CCDC91: variants seen among roughly 807,000 people sequenced by gnomAD.
The protein encoded by CCDC91 is coiled-coil domain containing 91, also known as coiled-coil domain-containing protein 91.
Under a neutral mutation model 63.2 loss-of-function variants are expected in CCDC91, and 48 were observed. The observed-to-expected ratio is 0.76, with a 90% CI of 0.60 to 0.97. The LOEUF is 0.97. Among genes scored for constraint, CCDC91 ranks in the 50% least tolerant of loss-of-function variants. CCDC91 has a pLI of 0.00. For missense variants in CCDC91, 500 were observed against 494.6 expected, an observed-to-expected ratio of 1.01 and a Z score of -0.10; for synonymous variants, 167 against 165.8, an observed-to-expected ratio of 1.01 and a Z score of -0.06.
At chr12:28,192,072 C>T (rs1330439799) in intron 1 of CCDC91, among the ~76,000 whole-genome samples, 1 of 152,190 alleles carries the variant, frequency 6.6e-6, no homozygotes, top group Non-Finnish European at 1.5e-5. Context: ...GAGTGATCCA[C>T]TCAAAACTTC....
At chr12:28,498,396 G>A (rs575588642) in intron 12 of CCDC91, among the ~76,000 whole-genome samples, 2 of 151,664 alleles carry the variant, frequency 1.3e-5, no homozygotes, top group East Asian at 2.0e-4. Context: ...AAGAGAGAAA[G>A]CCCAAACAGG....
intron 1 of CCDC91, among the ~76,000 whole-genome samples, chr12:28,218,205 A>G (rs1343492811): frequency 6.6e-6 from 1 of 152,038 alleles, no homozygotes; most frequent in Non-Finnish European, 1.5e-5. Context: ...AGTTCTGCCT[A>G]AGAGATAATC....
At chr12:28,468,022 C>G (rs1479702969) in intron 11 of CCDC91, among the ~76,000 whole-genome samples, 1 of 151,664 alleles carries the variant, frequency 6.6e-6, no homozygotes, top group Non-Finnish European at 1.5e-5. Flanking sequence ...AACAATGCAT[C>G]TTAACTAGAA....
intron 7 of CCDC91, among the ~76,000 whole-genome samples, chr12:28,391,092 C>A (rs1241849041): frequency 6.6e-6 from 1 of 151,606 alleles, no homozygotes; most frequent in African/African-American, 2.4e-5. Context: ...ACGTCTGAGC[C>A]AAAAAATTGT....
intron 12 of CCDC91, among the ~76,000 whole-genome samples, chr12:28,520,624 T>C (rs1179307295): frequency 6.6e-6 from 1 of 152,214 alleles, no homozygotes; most frequent in Non-Finnish European, 1.5e-5. Flanking sequence ...GCTTTCGGTG[T>C]TTTAGACATG....
chr12:28,401,167 C>G (rs1013636131), intron 8 of CCDC91, among the ~76,000 whole-genome samples: 8 of 152,098 alleles, frequency 5.3e-5, no homozygotes, highest in South Asian at 2.1e-4. Flanking sequence ...TACAGACATA[C>G]CCAAGACTGG....
chr12:28,340,823 A>G (rs1174847423), intron 6 of CCDC91, among the ~76,000 whole-genome samples: 7 of 152,162 alleles, frequency 4.6e-5, no homozygotes, highest in African/African-American at 1.7e-4. Flanking sequence ...AGTCAGCTTA[A>G]TTAGACCCCC....
At chr12:28,326,204 A>C (rs1426146727) in intron 6 of CCDC91, among the ~76,000 whole-genome samples, 4 of 152,076 alleles carry the variant, frequency 2.6e-5, no homozygotes, top group Admixed American at 1.3e-4. Flanking sequence ...GAAGTAAGAC[A>C]CAAGTCCACA....
In CCDC91 at chr12:28,549,228, A is replaced by G. The variant is rs1057086664; in HGVS notation, c.*55A>G. 59 of 911,202 alleles carry G rather than the reference A, an allele frequency of 6.5e-5. No homozygotes were observed. The Admixed American group carries it at 1.1e-3, about 16-fold the overall frequency. 56.4% of individuals were successfully genotyped at this position (911,202 alleles called of 1,614,324 possible). On this transcript the variant is annotated 3_prime_UTR_variant, in exon 13 of 13. Transcript: ENST00000536442. ...GGATAAATCATATTACACCTTCAAA[A>G]TACACACTCTGAATTATAAAGATGT...
chr12:28,351,489 C>T (rs1943175220), intron 6 of CCDC91, among the ~76,000 whole-genome samples: 1 of 152,196 alleles, frequency 6.6e-6, no homozygotes, highest in Admixed American at 6.5e-5. Flanking sequence ...TGATTATTGT[C>T]TGGGCCTGTG....
intron 1 of CCDC91, among the ~76,000 whole-genome samples, chr12:28,219,492 G>A (rs1237877146): frequency 3.4e-5 from 4 of 116,676 alleles, no homozygotes; most frequent in Admixed American, 9.5e-5. Flanking sequence ...TTTTTTTTGA[G>A]ATGGAGTCTC....
intron 6 of CCDC91, among the ~76,000 whole-genome samples, chr12:28,356,250 G>A (rs763406140): frequency 6.6e-6 from 1 of 152,240 alleles, no homozygotes; most frequent in Non-Finnish European, 1.5e-5. Flanking sequence ...CAAGGATTAT[G>A]GCTCCTTTAG....
At chr12:28,319,179 C>T (rs533123817) in intron 6 of CCDC91, among the ~76,000 whole-genome samples, 7 of 151,782 alleles carry the variant, frequency 4.6e-5, no homozygotes, top group East Asian at 1.9e-4. Flanking sequence ...TAAACTGTTT[C>T]GGTGAATTTA....
Position 28,427,252 on chromosome 12 carries a change from G to A in CCDC91, c.763-22909G>A, listed in dbSNP as rs77020821. Among the ~76,000 whole-genome samples the A allele has an allele frequency of 3.4e-3, 524 of 152,168 alleles. 8 individuals are homozygous for A. Among genetic ancestry groups the A allele is most frequent in the African/African-American group, 0.011 (461 of 41,508 alleles). ...TTATGTGAGATAAAAAGGCTAGAGC[G>A]CGCTGGAATCTTGATAATGCCCTGA... On this transcript the variant is annotated intron_variant, in intron 8 of 12. Transcript: ENST00000536442.
chr12:28,243,395 A>G (rs1462357685), intron 1 of CCDC91, among the ~76,000 whole-genome samples: 1 of 152,232 alleles, frequency 6.6e-6, no homozygotes, highest in African/African-American at 2.4e-5. Context: ...AAAGTTAAAC[A>G]TGTTTAAAAT....
rs1280362333 is a variant in CCDC91, at chr12:28,190,496, C to G, written c.-160C>G. On this transcript the variant is annotated 5_prime_UTR_variant, in exon 1 of 13. Coordinates refer to ENST00000536442, the MANE Select transcript of CCDC91 (RefSeq NM_018318.5). Reference sequence around the variant, plus strand: ...CGGGTGGTGCGTGGGCTACCCCAACCTGTGTGGCTGGGCCGCGGTCTCCCC... The same window carrying G: ...CGGGTGGTGCGTGGGCTACCCCAACGTGTGTGGCTGGGCCGCGGTCTCCCC... 2 of 153,050 alleles carry G rather than the reference C, an allele frequency of 1.3e-5. No individual in the cohort carries two copies. The highest frequency in any genetic ancestry group is 3.8e-4 in the East Asian group (2 of 5,210). The allele number at this position is 153,050 out of a possible 1,614,324, so 9.5% of individuals were successfully genotyped here. A position where few individuals can be genotyped will look rare whatever the true frequency, so the allele number is the denominator to read the frequency against.
intron 8 of CCDC91, among the ~76,000 whole-genome samples, chr12:28,413,546 T>G (rs1947454850): frequency 6.6e-6 from 1 of 152,228 alleles, no homozygotes; most frequent in African/African-American, 2.4e-5. Flanking sequence ...TGTGCTGTAA[T>G]TTTACTCAGA....
chr12:28,393,773 T>G (rs2139346338), intron 8 of CCDC91, among the ~76,000 whole-genome samples: 1 of 152,326 alleles, frequency 6.6e-6, no homozygotes, highest in African/African-American at 2.4e-5. Context: ...GATTTGATGC[T>G]TGAGAATTTT....
At chr12:28,405,580 G>A (rs922904304) in intron 8 of CCDC91, among the ~76,000 whole-genome samples, 18 of 152,044 alleles carry the variant, frequency 1.2e-4, no homozygotes, top group African/African-American at 4.3e-4. Flanking sequence ...TTTTTATTCT[G>A]GTGAACACAA....
Sources: allele counts gnomAD v4.1 joint callset (sites outside exome capture counted in the v4.1 genomes callset), GRCh38; gene constraint gnomAD v4.1.1; transcripts MANE v1.5; gene names NCBI Gene and HGNC (gene_info 2026-07-23, HGNC 2026-07-21).